Variants in SORCS3 observed in about 807,000 individuals in gnomAD.
SORCS3 encodes the protein sortilin related VPS10 domain containing receptor 3.
SORCS3 carries 57 observed loss-of-function variants against 146.3 expected under a neutral mutation model. That is an observed-to-expected ratio of 0.39 (90% CI 0.31 to 0.49). SORCS3 has a LOEUF of 0.49. SORCS3 is among the 20% of genes least tolerant of loss of function. The pLI, the probability that SORCS3 is intolerant of heterozygous loss-of-function variation, is 0.92. For synonymous variants in SORCS3, 653 were observed against 618.5 expected, an observed-to-expected ratio of 1.06 and a Z score of -0.83; for missense variants, 1,341 against 1,575.5, an observed-to-expected ratio of 0.85 and a Z score of 2.52.
At chr10:104,896,548 T>C (rs1211216251) in intron 2 of SORCS3, among the ~76,000 whole-genome samples, 1 of 152,144 alleles carries the variant, frequency 6.6e-6, no homozygotes, top group Non-Finnish European at 1.5e-5. Flanking sequence ...GTGAGAGCAG[T>C]TGTGTGATTC....
chr10:105,165,078 A>G (rs1436012817), intron 12 of SORCS3, among the ~76,000 whole-genome samples: 1 of 152,158 alleles, frequency 6.6e-6, no homozygotes, highest in African/African-American at 2.4e-5. Flanking sequence ...TAATTAATTT[A>G]AATTTAAATA....
At chr10:104,703,550 T>C (rs563125267) in intron 1 of SORCS3, among the ~76,000 whole-genome samples, 63 of 151,622 alleles carry the variant, frequency 4.2e-4, no homozygotes, top group Middle Eastern at 3.4e-3. Flanking sequence ...GAGTTGAACA[T>C]TGAAAACACA....
At chr10:104,835,184 A>G (rs1048066349) in intron 1 of SORCS3, among the ~76,000 whole-genome samples, 4 of 151,182 alleles carry the variant, frequency 2.6e-5, no homozygotes, top group East Asian at 1.9e-4. Flanking sequence ...TTTAATTTCT[A>G]CTCCCTGCAG....
chr10:105,078,421 A>C (rs562059639), intron 5 of SORCS3, among the ~76,000 whole-genome samples: 1 of 152,130 alleles, frequency 6.6e-6, no homozygotes, highest in Non-Finnish European at 1.5e-5. Context: ...GTGGCGTGAG[A>C]TAGACTATGC....
intron 2 of SORCS3, among the ~76,000 whole-genome samples, chr10:104,859,710 A>G (rs1009810717): frequency 3.9e-5 from 6 of 152,196 alleles, no homozygotes; most frequent in African/African-American, 1.4e-4. Context: ...ATGAACTCAA[A>G]CAAATTTACA....
chr10:104,758,101 G>C (rs918696346), intron 1 of SORCS3, among the ~76,000 whole-genome samples: 8 of 152,148 alleles, frequency 5.3e-5, no homozygotes, highest in Admixed American at 3.9e-4. Flanking sequence ...GTTTGACTAA[G>C]CCCCAGCAAT....
chr10:105,054,272 C>T (rs942572058), intron 5 of SORCS3, among the ~76,000 whole-genome samples: 6 of 151,788 alleles, frequency 4.0e-5, no homozygotes, highest in East Asian at 1.9e-4. Context: ...TTTATGTTAT[C>T]GAATCTTTCA....
intron 4 of SORCS3, among the ~76,000 whole-genome samples, chr10:105,003,775 C>A (rs529938204): frequency 1.3e-5 from 2 of 152,184 alleles, no homozygotes; most frequent in East Asian, 3.9e-4. Context: ...CCTTCCTGTG[C>A]ACTTGGGAAC....
At chr10:105,025,662 T>C (rs1451139232) in intron 4 of SORCS3, among the ~76,000 whole-genome samples, 2 of 152,126 alleles carry the variant, frequency 1.3e-5, no homozygotes, top group Non-Finnish European at 2.9e-5. Flanking sequence ...GAGAGCTTTT[T>C]CTTTTAATAG....
At chr10:105,254,008 G>A (rs994958863) in intron 23 of SORCS3, among the ~76,000 whole-genome samples, 4 of 152,208 alleles carry the variant, frequency 2.6e-5, no homozygotes, top group South Asian at 2.1e-4. Flanking sequence ...ATATTAAGGC[G>A]CATACAGCGA....
intron 1 of SORCS3, among the ~76,000 whole-genome samples, chr10:104,737,696 T>A (rs902355381): frequency 3.9e-5 from 6 of 152,178 alleles, no homozygotes; most frequent in Non-Finnish European, 7.4e-5. Flanking sequence ...GATGAGTAGG[T>A]TGCGAAAATT....
At chr10:105,048,344 C>T (rs1183324704) in intron 5 of SORCS3, among the ~76,000 whole-genome samples, 1 of 149,686 alleles carries the variant, frequency 6.7e-6, no homozygotes, top group Non-Finnish European at 1.5e-5. Flanking sequence ...CCATGGAATA[C>T]TATGCAGCCA....
At chr10:104,732,135 A>T (rs1188088434) in intron 1 of SORCS3, among the ~76,000 whole-genome samples, 2 of 152,308 alleles carry the variant, frequency 1.3e-5, no homozygotes, top group East Asian at 3.9e-4. Flanking sequence ...ATCATCTTAT[A>T]TTACTGCTGC....
rs149593675 is a variant in SORCS3 at position 105,000,154 on chromosome 10, A to G, written c.954+22661A>G. ...AACAAAAAGACAAGGACAGAATCCT[A>G]GAACCAATATTTAGGGTACAGAAGA... On this transcript the variant is annotated intron_variant, in intron 4 of 26. Transcript: ENST00000369701. 3.5e-4 allele frequency among the ~76,000 whole-genome samples: 54 copies of G among 152,300 alleles called. 1 individual carries two copies. In the East Asian group the frequency reaches 0.01, roughly 28 times the overall value.
At chr10:105,028,298 C>T (rs1466597007) in intron 4 of SORCS3, among the ~76,000 whole-genome samples, 1 of 152,182 alleles carries the variant, frequency 6.6e-6, no homozygotes, top group African/African-American at 2.4e-5. Flanking sequence ...CACTCAATTA[C>T]TGAATGATTA....
chr10:104,927,356 T>C (rs7070967), intron 3 of SORCS3, among the ~76,000 whole-genome samples: 43,055 of 152,090 alleles, frequency 0.28, 8,005 homozygotes, highest in African/African-American at 0.53. Flanking sequence ...GGATTCCATT[T>C]GAGGTTAAAT....
chr10:105,152,826 T>C (rs536842534), intron 9 of SORCS3, among the ~76,000 whole-genome samples: 4 of 152,174 alleles, frequency 2.6e-5, no homozygotes, highest in Non-Finnish European at 4.4e-5. Context: ...GCCTGTGAGA[T>C]TACAGAGATG....
chr10:105,214,304 G>A, intron 17 of SORCS3, 138 bp from the exon 18 acceptor site: 2 of 860,070 alleles, frequency 2.3e-6, no homozygotes, highest in Non-Finnish European at 1.9e-6. Flanking sequence ...TTGAGACTTG[G>A]TTTCCAGGGG....
chr10:104,850,133 ATAAT>A (rs552422831), intron 2 of SORCS3, among the ~76,000 whole-genome samples: 1 of 152,352 alleles, frequency 6.6e-6, no homozygotes, highest in East Asian at 1.9e-4. Flanking sequence ...TATCTCCCAA[ATAAT>A]TAACATGGAA....
Sources: allele counts gnomAD v4.1 joint callset (sites outside exome capture counted in the v4.1 genomes callset), GRCh38; gene constraint gnomAD v4.1.1; transcripts MANE v1.5; gene names NCBI Gene and HGNC (gene_info 2026-07-23, HGNC 2026-07-21).